Variants in CYP39A1 observed in about 807,000 individuals in gnomAD.
The protein encoded by CYP39A1 is 24-hydroxycholesterol 7-alpha-hydroxylase.
Under a neutral mutation model 58.1 loss-of-function variants are expected in CYP39A1, and 49 were observed. That is an observed-to-expected ratio of 0.84 (90% CI 0.67 to 1.07). The LOEUF (loss-of-function observed/expected upper bound fraction) is 1.07. Among genes scored for constraint, CYP39A1 ranks in the 50% least tolerant of loss-of-function variants. The pLI, the probability that CYP39A1 is intolerant of heterozygous loss-of-function variation, is 0.00. For synonymous variants in CYP39A1, 209 were observed against 187.6 expected (o/e 1.11, Z -0.93); for missense variants, 531 against 539.4 (o/e 0.98, Z 0.16).
intron 10 of CYP39A1, among the ~76,000 whole-genome samples, chr6:46,557,933 C>CAAAAAAAA (rs1186594398): frequency 0.045 from 1,431 of 32,068 alleles, no homozygotes; most frequent in Non-Finnish European, 0.072. Flanking sequence ...GACTCCATCT[C>CAAAAAAAA]AAAAAAAAAA....
chr6:46,570,914 A>G (rs9395202), intron 10 of CYP39A1, among the ~76,000 whole-genome samples: 30,424 of 152,140 alleles, frequency 0.2, 3,162 homozygotes, highest in African/African-American at 0.21. Flanking sequence ...ACACATCCAT[A>G]CCATATCAGA....
intron 8 of CYP39A1, among the ~76,000 whole-genome samples, chr6:46,590,590 C>A (rs767289941): frequency 3.3e-5 from 5 of 152,066 alleles, no homozygotes; most frequent in Non-Finnish European, 7.4e-5. Context: ...AGAGTATATT[C>A]TTTTGTATGA....
At chr6:46,574,432 G>C (rs577410218) in intron 10 of CYP39A1, among the ~76,000 whole-genome samples, 169 of 152,268 alleles carry the variant, frequency 1.1e-3, no homozygotes, top group African/African-American at 4.0e-3. Context: ...AATCCCCATG[G>C]ATATCCAAGT....
chr6:46,616,005 TCCC>T (rs1774514132), intron 7 of CYP39A1, among the ~76,000 whole-genome samples: 7 of 13,698 alleles, frequency 5.1e-4, no homozygotes, highest in Non-Finnish European at 6.4e-4. Flanking sequence ...TTTCCCTCCC[TCCC>T]CCCTCCCTCC....
chr6:46,636,160 A>G (rs946574492), intron 5 of CYP39A1, among the ~76,000 whole-genome samples: 4 of 152,000 alleles, frequency 2.6e-5, no homozygotes, highest in African/African-American at 4.8e-5. Context: ...TCGGAATTGT[A>G]TTTTTTTGCT....
At chr6:46,626,060 GC>G (rs1207996996) in intron 6 of CYP39A1, among the ~76,000 whole-genome samples, 1 of 143,766 alleles carries the variant, frequency 7.0e-6, no homozygotes, top group African/African-American at 2.7e-5. Context: ...CTTTTTTTTG[GC>G]TTTTTTTGGC....
At chr6:46,650,641 C>G (rs576734945) in intron 1 of CYP39A1, among the ~76,000 whole-genome samples, 12 of 151,314 alleles carry the variant, frequency 7.9e-5, no homozygotes, top group Admixed American at 7.3e-4. Flanking sequence ...GGAGCTGGGA[C>G]TACAGGCATG....
intron 1 of CYP39A1, among the ~76,000 whole-genome samples, chr6:46,651,790 C>T (rs556936969): frequency 6.6e-6 from 1 of 152,178 alleles, no homozygotes; most frequent in Non-Finnish European, 1.5e-5. Flanking sequence ...ATATTTGTGA[C>T]TGGAAATTGA....
chr6:46,613,624 A>G (rs926016742), intron 7 of CYP39A1, among the ~76,000 whole-genome samples: 1 of 152,108 alleles, frequency 6.6e-6, no homozygotes, highest in African/African-American at 2.4e-5. Flanking sequence ...GTGCATGTGT[A>G]TGCTATCCTA....
chr6:46,552,900 T>C (rs1434449390), intron 11 of CYP39A1, among the ~76,000 whole-genome samples: 1 of 151,764 alleles, frequency 6.6e-6, no homozygotes, highest in Non-Finnish European at 1.5e-5. Context: ...TACAAAAAAT[T>C]AGCCAGGCAT....
intron 8 of CYP39A1, among the ~76,000 whole-genome samples, chr6:46,594,174 T>C (rs1773006906): frequency 6.6e-6 from 1 of 152,058 alleles, no homozygotes. Flanking sequence ...TATTATGTTT[T>C]ACTTAAAGTA....
At chr6:46,652,078 C>T (rs1762728093) in intron 1 of CYP39A1, among the ~76,000 whole-genome samples, 1 of 152,210 alleles carries the variant, frequency 6.6e-6, no homozygotes. Flanking sequence ...AATTGGATTA[C>T]ACTTTATCTT....
chr6:46,573,325 G>A (rs1040311091), intron 10 of CYP39A1, among the ~76,000 whole-genome samples: 1 of 152,102 alleles, frequency 6.6e-6, no homozygotes, highest in Admixed American at 6.5e-5. Context: ...TTGTGGGTGA[G>A]TGCTATGCTA....
At chr6:46,556,961 C>G (rs1039342012) in intron 10 of CYP39A1, among the ~76,000 whole-genome samples, 2 of 151,720 alleles carry the variant, frequency 1.3e-5, no homozygotes, top group Non-Finnish European at 2.9e-5. Context: ...TCCACAGGTT[C>G]ATAAAGGTAG....
intron 5 of CYP39A1, among the ~76,000 whole-genome samples, chr6:46,633,671 A>G (rs1310879209): frequency 6.6e-6 from 1 of 152,168 alleles, no homozygotes; most frequent in East Asian, 1.9e-4. Flanking sequence ...AGCCTGACCA[A>G]TATGGTGAAA....
At chr6:46,558,763 C>G (rs1466889360) in intron 10 of CYP39A1, among the ~76,000 whole-genome samples, 3 of 151,974 alleles carry the variant, frequency 2.0e-5, no homozygotes, top group African/African-American at 7.2e-5. Context: ...TTTGGGAGGC[C>G]GAGGTGGGTG....
intron 7 of CYP39A1, among the ~76,000 whole-genome samples, chr6:46,618,412 T>A (rs918748014): frequency 2.0e-5 from 3 of 152,266 alleles, no homozygotes; most frequent in Admixed American, 1.3e-4. Context: ...ACTTATCAAT[T>A]AAAATTTAAA....
chr6:46,631,581 A>G (rs994840585), intron 5 of CYP39A1, among the ~76,000 whole-genome samples: 3 of 152,298 alleles, frequency 2.0e-5, no homozygotes, highest in Admixed American at 2.0e-4. Context: ...CTCTTAGCAA[A>G]ATGCAAGCAA....
chr6:46,586,770 G>A (rs1259764196), intron 10 of CYP39A1, among the ~76,000 whole-genome samples: 1 of 152,046 alleles, frequency 6.6e-6, no homozygotes, highest in African/African-American at 2.4e-5. Flanking sequence ...TTTAAAGAAG[G>A]TAGCACTCAA....
Sources: gnomAD v4.1 joint callset for allele counts (sites outside exome capture counted in the v4.1 genomes callset) on GRCh38, gnomAD v4.1.1 for gene constraint, MANE v1.5 for transcripts, NCBI Gene and HGNC (gene_info 2026-07-23, HGNC 2026-07-21) for gene names.